The following ZSCAN2 variants were observed in gnomAD, a reference collection of about 807,000 sequenced individuals.
ZSCAN2 encodes the protein zinc finger and SCAN domain containing 2.
In ZSCAN2, 26 loss-of-function variants were observed where a neutral mutation model predicts 47.8. The ratio of observed to expected loss-of-function variants is 0.54; its 90% CI spans 0.40 to 0.75. The LOEUF is 0.75. Among genes scored for constraint, ZSCAN2 ranks in the 30% least tolerant of loss-of-function variants. ZSCAN2 has a pLI of 0.00. For synonymous variants in ZSCAN2, 305 were observed against 288.7 expected (o/e 1.06, Z -0.57); for missense variants, 732 against 785.4 (o/e 0.93, Z 0.81).
chr15:84,606,318 C>T, intron 2 of ZSCAN2: 1 of 519,726 alleles, frequency 1.9e-6, no homozygotes, highest in Non-Finnish European at 3.5e-6. Flanking sequence ...GAGTGGCTGG[C>T]ATTGTCATTT....
At position 84,604,099 on chromosome 15, in the gene ZSCAN2, C is replaced by A. The variant is rs1292023366; in HGVS notation, c.172C>A (p.Gln58Lys). The change falls in exon 2 of 3, where the codon CAG (glutamine) becomes AAG (lysine). Residue 58 changes from glutamine to lysine, a missense_variant. By Grantham distance (53) the Gln-to-Lys change is moderately conservative. Around this residue, in one of 2 missense-constraint regions of ZSCAN2, gnomAD observed 320 missense variants for 287.4 expected, o/e 1.11. Transcript: ENST00000546148. ...TGGCCCTGAGTCTGAGCCCTTTCCCCAGAGTGCTGGCAAGGGCGGCCCCCA... is the reference window on the plus strand; with the variant it reads ...TGGCCCTGAGTCTGAGCCCTTTCCCAAGAGTGCTGGCAAGGGCGGCCCCCA... ...EDGPESEPFP[Q>K]SAGKGGPQEE... 2 of 1,614,158 alleles carry A rather than the reference C, an allele frequency of 1.2e-6. No individual in the cohort carries two copies. Among genetic ancestry groups the A allele is most frequent in the Non-Finnish European group, 1.7e-6 (2 of 1,180,014 alleles).
intron 2 of ZSCAN2, among the ~76,000 whole-genome samples, chr15:84,619,004 C>T (rs146296685): frequency 1.3e-4 from 20 of 152,280 alleles, no homozygotes; most frequent in East Asian, 5.8e-4. Context: ...GCCTCATCCT[C>T]GGGTAGATTT....
chr15:84,612,191 TGTCA>T (rs1028472539), intron 2 of ZSCAN2: 1 of 152,346 alleles, frequency 6.6e-6, no homozygotes, highest in Admixed American at 6.5e-5. Flanking sequence ...TGGAGGCCCT[TGTCA>T]GTCAGATCAC....
chr15:84,620,610 A>C lies in ZSCAN2; in HGVS notation c.415A>C (p.Ile139Leu). The change falls in exon 3 of 3, where the codon ATA becomes CTA. Residue 139 changes from isoleucine (I) to leucine (L), a missense_variant. Ile to Leu is a conservative substitution (Grantham distance 5). This residue lies in a region of ZSCAN2 where 320 missense variants were observed against 287.4 expected (regional missense o/e 1.11). Coordinates refer to ENST00000546148, the MANE Select transcript of ZSCAN2 (RefSeq NM_181877.4). ...TQTLQDSDFE[I>L]QSENGENCNQ... The stretch of plus-strand genomic sequence containing the variant: ...TTTCTTCATTGTTTCAGATTTTGAG[A>C]TACAGAGTGAAAATGGGGAGAACTG... 6.3e-7 allele frequency: 1 copy of C among 1,599,350 alleles called. No individual in the cohort carries two copies. Among genetic ancestry groups the C allele is most frequent in the Non-Finnish European group, 8.6e-7 (1 of 1,167,862 alleles).
intron 2 of ZSCAN2, among the ~76,000 whole-genome samples, chr15:84,610,729 C>T (rs1007589218): frequency 3.3e-5 from 5 of 152,110 alleles, no homozygotes; most frequent in East Asian, 3.9e-4. Context: ...TCAGGCAATT[C>T]GCCCGCCTCT....
Position 84,623,388 on chromosome 15 carries a change from G to A in ZSCAN2, c.*1348G>A, listed in dbSNP as rs778767772. On this transcript the variant is annotated 3_prime_UTR_variant, in exon 3 of 3. Coordinates refer to ENST00000546148, the MANE Select transcript of ZSCAN2 (RefSeq NM_181877.4). ...ATTACAGGCGTGAGCCAGCGCACCC[G>A]GCCAAGAACATTATTTTTAAAGAAG... 7.9e-5 allele frequency: 15 copies of A among 190,344 alleles called. No homozygotes were observed. The highest frequency in any genetic ancestry group is 1.5e-4 in the Non-Finnish European group (12 of 80,498). 11.8% of individuals were successfully genotyped at this position (190,344 alleles called of 1,614,324 possible). A position where few individuals can be genotyped will look rare whatever the true frequency, so the allele number is the denominator to read the frequency against.
Position 84,621,902 on chromosome 15 carries a change from G to C in ZSCAN2, c.1707G>C (p.Trp569Cys), listed in dbSNP as rs776232351. The C allele has an allele frequency of 1.2e-6, 2 of 1,614,052 alleles. No individual in the cohort carries two copies. Among genetic ancestry groups the C allele is most frequent in the Non-Finnish European group, 1.7e-6 (2 of 1,180,040 alleles). Residue 569 changes from tryptophan to cysteine, a missense_variant, in exon 3 of 3, where the codon TGG becomes TGC. This residue lies in a region of ZSCAN2 where 412 missense variants were observed against 498.0 expected (regional missense o/e 0.83). Transcript: ENST00000546148. This position sits in a 1 kb window ranked among gnomAD's most constrained non-coding sequence, Gnocchi z 5.7. ...CTGAGTGTGGGAAAGGCTTTAGCTGGAACTCAGTCCTCATTATACATCAGC... is the reference window on the plus strand; with the variant it reads ...CTGAGTGTGGGAAAGGCTTTAGCTGCAACTCAGTCCTCATTATACATCAGC... ...RCPECGKGFS[W>C]NSVLIIHQRI...
intron 2 of ZSCAN2, chr15:84,606,935 C>T (rs1895400569): frequency 2.0e-6 from 2 of 998,192 alleles, no homozygotes; most frequent in Non-Finnish European, 2.4e-6. Context: ...CAAACATTTA[C>T]TCGACATAAG....
intron 2 of ZSCAN2, among the ~76,000 whole-genome samples, chr15:84,617,563 A>G (rs573315615): frequency 3.3e-5 from 5 of 152,316 alleles, no homozygotes; most frequent in East Asian, 3.9e-4. Context: ...CTGGAGGGCA[A>G]TTCTGTGAAC....
chr15:84,604,432 T>C, intron 2 of ZSCAN2, 99 bp downstream of exon 2: 1 of 1,443,262 alleles, frequency 6.9e-7, no homozygotes, highest in Non-Finnish European at 9.3e-7. Context: ...CAAGGCAGAG[T>C]GGGGGGCTAG....
intron 1 of ZSCAN2, among the ~76,000 whole-genome samples, chr15:84,603,441 T>C (rs1895272986): frequency 6.6e-6 from 1 of 151,442 alleles, no homozygotes; most frequent in Non-Finnish European, 1.5e-5. Flanking sequence ...AGATCTGTGC[T>C]CACTGCAACC....
Position 84,604,178 on chromosome 15 carries a change from G to T in ZSCAN2, c.251G>T (p.Cys84Phe). The change falls in exon 2 of 3, where the codon TGC becomes TTC. Residue 84 changes from cysteine to phenylalanine, a missense_variant. Cys to Phe is a radical substitution (Grantham distance 205). Around this residue, in one of 2 missense-constraint regions of ZSCAN2, gnomAD observed 320 missense variants for 287.4 expected, o/e 1.11. Transcript: ENST00000546148. Reference protein sequence around the residue: ...QGALGRLRELCRRWLRPEVHT... With the variant: ...QGALGRLRELFRRWLRPEVHT... ...GCACTCGGCCGCCTCCGAGAGCTCT[G>T]CCGGCGCTGGCTGAGACCAGAGGTA... 1 of 1,613,700 alleles carries T rather than the reference G, an allele frequency of 6.2e-7. No individual in the cohort carries two copies. The highest frequency in any genetic ancestry group is 8.5e-7 in the Non-Finnish European group (1 of 1,179,872).
intron 2 of ZSCAN2, among the ~76,000 whole-genome samples, chr15:84,619,415 G>A (rs956522894): frequency 6.6e-6 from 1 of 150,420 alleles, no homozygotes; most frequent in African/African-American, 2.5e-5. Flanking sequence ...GGGCCACACA[G>A]CGAGACTCCG....
At chr15:84,608,383 A>G (rs1027759163) in intron 2 of ZSCAN2, among the ~76,000 whole-genome samples, 8 of 151,978 alleles carry the variant, frequency 5.3e-5, no homozygotes, top group African/African-American at 7.3e-5. Context: ...TACAAAAAAA[A>G]TCAGCCAGGC....
At position 84,604,157 on chromosome 15, in the gene ZSCAN2, TCGG is replaced by T; in HGVS notation, c.232_234del (p.Gly78del). 1.2e-6 allele frequency: 2 copies of T among 1,613,520 alleles called. No individual in the cohort carries two copies. Among genetic ancestry groups the T allele is most frequent in the Non-Finnish European group, 1.7e-6 (2 of 1,179,802 alleles). Reference sequence around the variant, plus strand: ...GTGACCAGGGGACCACAGGGTGCACTCGGCCGCCTCCGAGAGCTCTGCCGGCGC... The same window carrying T: ...GTGACCAGGGGACCACAGGGTGCACTCCGCCTCCGAGAGCTCTGCCGGCGC... On this transcript the variant is annotated inframe_deletion, in exon 2 of 3. Transcript: ENST00000546148.
rs147069559 is a variant in ZSCAN2, at chr15:84,620,893, G to A, written c.698G>A (p.Arg233Gln). The stretch of plus-strand genomic sequence containing the variant: ...CCCCAGTGTGGGAAGACCTTCAGCC[G>A]GAAATCCCACCTCATCACACACGAG... ...ECPQCGKTFS[R>Q]KSHLITHERT... The change falls in exon 3 of 3, where the codon CGG (arginine) becomes CAG (glutamine). Residue 233 changes from arginine (R) to glutamine (Q), a missense_variant. By Grantham distance (43) the Arg-to-Gln change is conservative. Around this residue, in one of 2 missense-constraint regions of ZSCAN2, gnomAD observed 412 missense variants for 498.0 expected, o/e 0.83. Coordinates refer to ENST00000546148, the MANE Select transcript of ZSCAN2 (RefSeq NM_181877.4). 1.7e-5 allele frequency: 27 copies of A among 1,614,062 alleles called. No homozygotes were observed. The highest frequency in any genetic ancestry group is 2.2e-5 in the South Asian group (2 of 91,076).
chr15:84,602,573 T>A (rs1257378499), intron 1 of ZSCAN2, among the ~76,000 whole-genome samples: 1 of 149,000 alleles, frequency 6.7e-6, no homozygotes, highest in Non-Finnish European at 1.5e-5. Flanking sequence ...TTTTCTTTTT[T>A]TTCCTTTTCT....
rs1024517247 is a variant in ZSCAN2 at position 84,623,033 on chromosome 15, T to A, written c.*993T>A. 7.3e-5 allele frequency: 17 copies of A among 233,276 alleles called. No individual in the cohort carries two copies. In the Admixed American group the frequency reaches 9.3e-4, roughly 13 times the overall value. 14.5% of individuals were successfully genotyped at this position (233,276 alleles called of 1,614,324 possible). On this transcript the variant is annotated 3_prime_UTR_variant, in exon 3 of 3. Transcript: ENST00000546148. ...GTTTCCCTCTTCTTTTATTTTTTAT[T>A]TGATATATGCCGAGCTAGAATCCTG...
chr15:84,606,392 A>C, intron 2 of ZSCAN2: 2 of 703,972 alleles, frequency 2.8e-6, no homozygotes, highest in South Asian at 3.1e-5. Context: ...CCAGGATTCA[A>C]ACCCAGACCT....
Sources: gnomAD v4.1 joint callset for allele counts (sites outside exome capture counted in the v4.1 genomes callset) on GRCh38, gnomAD v4.1.1 for gene constraint, gnomAD v4.1.1 regional missense constraint, Gnocchi (gnomAD v3.1) non-coding constraint, MANE v1.5 for transcripts, NCBI Gene and HGNC (gene_info 2026-07-23, HGNC 2026-07-21) for gene names.